EPC1: variants seen among roughly 807,000 people sequenced by gnomAD.
EPC1 encodes the protein enhancer of polycomb homolog 1.
A neutral mutation model predicts 98.4 loss-of-function variants in EPC1; 12 were observed. The ratio of observed to expected loss-of-function variants is 0.12; its 90% CI spans 0.08 to 0.20. EPC1 has a LOEUF of 0.20. EPC1 is among the 10% of genes least tolerant of loss of function. EPC1 has a pLI of 1.00. For missense variants in EPC1, 729 were observed against 990.5 expected (o/e 0.74, Z 3.54); for synonymous variants, 357 against 363.9 (o/e 0.98, Z 0.21).
chr10:32,323,804 A>G (rs1837087182), intron 1 of EPC1, among the ~76,000 whole-genome samples: 1 of 152,254 alleles, frequency 6.6e-6, no homozygotes, highest in African/African-American at 2.4e-5. Flanking sequence ...TAAAGCACAG[A>G]AAATGCCACC....
chr10:32,321,353 T>G (rs1436836128), intron 1 of EPC1, among the ~76,000 whole-genome samples: 5 of 150,004 alleles, frequency 3.3e-5, no homozygotes, highest in Admixed American at 2.7e-4. Flanking sequence ...TATAGATCTG[T>G]TTTTTTTTCA....
At chr10:32,377,702 T>C (rs1839897540) in intron 1 of EPC1, among the ~76,000 whole-genome samples, 1 of 152,186 alleles carries the variant, frequency 6.6e-6, no homozygotes, top group Admixed American at 6.5e-5. Flanking sequence ...TCTTTTTTTT[T>C]CTTCCTTTTT....
Position 32,303,232 on chromosome 10 carries a change from G to A in EPC1, c.313+2540C>T, listed in dbSNP as rs116310093. 6.8e-3 allele frequency among the ~76,000 whole-genome samples: 1,032 copies of A among 152,290 alleles called. 15 individuals are homozygous for A. Among genetic ancestry groups the A allele is most frequent in the African/African-American group, 0.022 (910 of 41,552 alleles). On this transcript the variant is annotated intron_variant, in intron 2 of 13. Transcript: ENST00000319778. The stretch of plus-strand genomic sequence containing the variant: ...GCACGAGAATCGCTTGAACCAGGAG[G>A]TGCAGGTTGCAGTGAGCTGGGACTG...
chr10:32,304,517 C>T (rs1166434759), intron 2 of EPC1, among the ~76,000 whole-genome samples: 2 of 152,080 alleles, frequency 1.3e-5, no homozygotes, highest in African/African-American at 4.8e-5. Context: ...CGTGACTGCA[C>T]AAGTAGACTA....
intron 11 of EPC1, chr10:32,272,391 G>A: frequency 2.1e-6 from 1 of 469,980 alleles, no homozygotes. Flanking sequence ...TGCTTCATAT[G>A]TGACAATATA....
intron 10 of EPC1, among the ~76,000 whole-genome samples, chr10:32,276,563 C>T (rs1313313806): frequency 6.6e-6 from 1 of 152,152 alleles, no homozygotes; most frequent in Non-Finnish European, 1.5e-5. Flanking sequence ...ATTAGGTGAT[C>T]ATTAAGGTCC....
chr10:32,372,434 C>T (rs1839774940), intron 1 of EPC1, among the ~76,000 whole-genome samples: 1 of 152,150 alleles, frequency 6.6e-6, no homozygotes. Context: ...TCCATCTGGA[C>T]CTAATGTTAT....
Position 32,305,803 on chromosome 10 carries a change from A to C in EPC1, c.282T>G (p.Phe94Leu), listed in dbSNP as rs1454969423. The C allele has an allele frequency of 6.2e-7, 1 of 1,604,674 alleles. No homozygotes were observed. Among genetic ancestry groups the C allele is most frequent in the South Asian group, 1.1e-5 (1 of 89,038 alleles). ...AYYESIYPGE[F>L]KMPKQLIHIQ... ...TGTGAATGAGCTGCTTTGGCATCTT[A>C]AATTCCCCAGGATATATAGACTCAT... is the stretch of plus-strand genomic sequence containing the variant. The change falls in exon 2 of 14, where the codon TTT becomes TTG. Residue 94 changes from phenylalanine (F) to leucine (L), a missense_variant. Physicochemically the swap from Phe to Leu is conservative, Grantham distance 22. This residue lies in a region of EPC1 where 94 missense variants were observed against 125.1 expected (regional missense o/e 0.75). Transcript: ENST00000319778.
At chr10:32,335,451 T>C (rs2132994144) in intron 1 of EPC1, among the ~76,000 whole-genome samples, 1 of 150,808 alleles carries the variant, frequency 6.6e-6, no homozygotes, top group Admixed American at 6.7e-5. Flanking sequence ...GGCAGTGTAT[T>C]CCAGAAACAA....
At chr10:32,275,220 T>C (rs749520028) in intron 10 of EPC1, among the ~76,000 whole-genome samples, 1 of 152,262 alleles carries the variant, frequency 6.6e-6, no homozygotes, top group Non-Finnish European at 1.5e-5. Flanking sequence ...TAGAAATCAA[T>C]GTGAATAAAG....
chr10:32,356,650 G>T (rs1330770179), intron 1 of EPC1, among the ~76,000 whole-genome samples: 1 of 152,168 alleles, frequency 6.6e-6, no homozygotes, highest in African/African-American at 2.4e-5. Context: ...GCTGAGCCGT[G>T]AATTGGAAGT....
intron 9 of EPC1, chr10:32,285,454 G>A: frequency 5.7e-6 from 1 of 176,462 alleles, no homozygotes; most frequent in East Asian, 1.6e-4. Context: ...TACTCTAGAG[G>A]ATATATTCTT....
At chr10:32,272,412 A>G (rs1267468304) in intron 11 of EPC1, among the ~76,000 whole-genome samples, 2 of 152,194 alleles carry the variant, frequency 1.3e-5, no homozygotes, top group Non-Finnish European at 2.9e-5. Context: ...TAATATGTAT[A>G]AGTCAATTAC....
chr10:32,359,912 T>G (rs1839389131), intron 1 of EPC1, among the ~76,000 whole-genome samples: 1 of 152,180 alleles, frequency 6.6e-6, no homozygotes, highest in East Asian at 1.9e-4. Flanking sequence ...TCATTTATGT[T>G]GGTATCATTA....
intron 1 of EPC1, among the ~76,000 whole-genome samples, chr10:32,335,802 C>A (rs1837924413): frequency 6.6e-6 from 1 of 152,174 alleles, no homozygotes; most frequent in South Asian, 2.1e-4. Context: ...AGCCACCACT[C>A]CTATGGTTAT....
intron 1 of EPC1, among the ~76,000 whole-genome samples, chr10:32,355,712 G>A (rs1839255398): frequency 7.5e-6 from 1 of 134,182 alleles, no homozygotes; most frequent in Admixed American, 9.2e-5. Context: ...CTGAGTTCAA[G>A]CCATTCTCCT....
upstream of EPC1, chr10:32,347,554 C>T (rs1838936981): frequency 6.6e-6 from 1 of 151,974 alleles, no homozygotes; most frequent in South Asian, 2.1e-4. Context: ...GCTCGGGCCC[C>T]GGGCACCTGG....
rs932401967 is a variant in EPC1 at position 32,271,700 on chromosome 10, G to A, written c.2223C>T (p.Ala741=). 3 of 1,614,030 alleles carry A rather than the reference G, an allele frequency of 1.9e-6. No homozygotes were observed. In the African/African-American group the frequency reaches 4.0e-5, roughly 22 times the overall value. The change falls in exon 13 of 14, where the codon GCC becomes GCT. Residue 741 remains alanine, a synonymous_variant. Transcript: ENST00000319778. ...NIRLTVPSSV[A]TVNSIAPINA... is the part of the protein sequence containing the mutation. Reference sequence around the variant, plus strand: ...TTATTGGGGCAATAGAGTTTACAGTGGCAACTGATGAAGGTACAGTTAATC... The same window carrying A: ...TTATTGGGGCAATAGAGTTTACAGTAGCAACTGATGAAGGTACAGTTAATC...
intron 1 of EPC1, among the ~76,000 whole-genome samples, chr10:32,342,366 T>C (rs1838417945): frequency 6.6e-6 from 1 of 152,234 alleles, no homozygotes; most frequent in Non-Finnish European, 1.5e-5. Flanking sequence ...TTTTTATTAC[T>C]AAGTTTTGGA....
Sources: gnomAD v4.1 joint callset for allele counts (sites outside exome capture counted in the v4.1 genomes callset) on GRCh38, gnomAD v4.1.1 for gene constraint, gnomAD v4.1.1 regional missense constraint, MANE v1.5 for transcripts, NCBI Gene and HGNC (gene_info 2026-07-23, HGNC 2026-07-21) for gene names.